PDE4D: variants seen among roughly 807,000 people sequenced by gnomAD.
The protein encoded by PDE4D is phosphodiesterase 4D.
In PDE4D, 24 loss-of-function variants were observed where a neutral mutation model predicts 87.4. The observed-to-expected ratio is 0.27, with a 90% CI of 0.20 to 0.39. The LOEUF (loss-of-function observed/expected upper bound fraction) is 0.39, where lower values mean the gene tolerates loss of function less well. Ranked by LOEUF, PDE4D falls within the 10% of genes least tolerant of loss-of-function variation. The pLI is 1.00. For missense variants in PDE4D, 714 were observed against 1,041.0 expected (o/e 0.69, Z 4.32); for synonymous variants, 384 against 383.2 (o/e 1.00, Z -0.02).
chr5:59,360,672 A>C (rs1453505680), intron 1 of PDE4D, among the ~76,000 whole-genome samples: 2 of 152,178 alleles, frequency 1.3e-5, no homozygotes, highest in African/African-American at 4.8e-5. Context: ...ATAATACCAA[A>C]ATTTTCTTTG....
intron 6 of PDE4D, chr5:58,999,958 G>T: frequency 1.0e-6 from 1 of 970,982 alleles, no homozygotes; most frequent in Non-Finnish European, 1.2e-6. Flanking sequence ...AGAGTGACAA[G>T]AAGCCCCTCC....
At chr5:59,150,200 G>C (rs951834990) in intron 5 of PDE4D, among the ~76,000 whole-genome samples, 2 of 152,064 alleles carry the variant, frequency 1.3e-5, no homozygotes, top group African/African-American at 4.8e-5. Flanking sequence ...AGAACAAGAG[G>C]AAGAGAAGCC....
chr5:58,984,851 T>C (rs1254743397), intron 11 of PDE4D, among the ~76,000 whole-genome samples: 1 of 152,214 alleles, frequency 6.6e-6, no homozygotes, highest in Non-Finnish European at 1.5e-5. Context: ...CTAAGTTAAA[T>C]ATACCCTCCA....
chr5:59,984,267 A>C (rs562174097), intron 3 of PDE4D, among the ~76,000 whole-genome samples: 37 of 152,188 alleles, frequency 2.4e-4, no homozygotes, highest in Non-Finnish European at 4.9e-4. Flanking sequence ...ATTTAGGAGG[A>C]AAATATGAAA....
chr5:60,016,948 G>T (rs1765572661), intron 2 of PDE4D, among the ~76,000 whole-genome samples: 2 of 152,180 alleles, frequency 1.3e-5, no homozygotes, highest in Non-Finnish European at 2.9e-5. Context: ...ATCCTTTAGA[G>T]AAATCACTAT....
At chr5:60,131,519 C>T (rs931700351) in intron 2 of PDE4D, among the ~76,000 whole-genome samples, 2 of 152,104 alleles carry the variant, frequency 1.3e-5, no homozygotes, top group East Asian at 1.9e-4. Flanking sequence ...AGAGATCTTG[C>T]GTTTATATTA....
intron 2 of PDE4D, among the ~76,000 whole-genome samples, chr5:60,084,113 C>A (rs2152905678): frequency 6.6e-6 from 1 of 152,198 alleles, no homozygotes; most frequent in East Asian, 1.9e-4. Context: ...CCCATGAGTT[C>A]ATATGAACCA....
At chr5:59,810,350 G>A (rs1008709) in intron 1 of PDE4D, among the ~76,000 whole-genome samples, 61,386 of 152,138 alleles carry the variant, frequency 0.4, 13,606 homozygotes, top group Admixed American at 0.51. Context: ...TATGGAACAG[G>A]ATGGTTCATG....
chr5:60,075,234 G>T (rs1425386637), intron 2 of PDE4D, among the ~76,000 whole-genome samples: 1 of 152,148 alleles, frequency 6.6e-6, no homozygotes, highest in Non-Finnish European at 1.5e-5. Flanking sequence ...GCATTTGTTT[G>T]TCTGAAAAGG....
chr5:60,169,491 A>G (rs1033889130), intron 2 of PDE4D, among the ~76,000 whole-genome samples: 4 of 152,030 alleles, frequency 2.6e-5, no homozygotes, highest in African/African-American at 9.7e-5. Context: ...AAAGAGCACA[A>G]CAATTTTTTT....
intron 1 of PDE4D, among the ~76,000 whole-genome samples, chr5:59,225,119 T>C (rs1181642442): frequency 6.6e-6 from 1 of 152,180 alleles, no homozygotes; most frequent in Non-Finnish European, 1.5e-5. Context: ...TCCCCCTAAA[T>C]TTTCTTCTAG....
chr5:60,090,752 T>C (rs1197633758), intron 2 of PDE4D, among the ~76,000 whole-genome samples: 2 of 152,176 alleles, frequency 1.3e-5, no homozygotes, highest in East Asian at 3.8e-4. Context: ...TGTTCACAGA[T>C]GACATGATCC....
At chr5:59,872,300 C>CACACACACACACACACA (rs10693446) in intron 1 of PDE4D, among the ~76,000 whole-genome samples, 10 of 146,974 alleles carry the variant, frequency 6.8e-5, no homozygotes, top group African/African-American at 2.6e-4. Flanking sequence ...CACACACACA[C>CACACACACACACACACA]AAGAGCACAC....
At chr5:59,404,612 T>C (rs545584165) in intron 1 of PDE4D, among the ~76,000 whole-genome samples, 1 of 146,974 alleles carries the variant, frequency 6.8e-6, no homozygotes, top group African/African-American at 2.6e-5. Context: ...TGAGCTGAGA[T>C]CACACCACTG....
At chr5:60,408,016 C>T (rs1741712623) in intron 1 of PDE4D, among the ~76,000 whole-genome samples, 1 of 151,908 alleles carries the variant, frequency 6.6e-6, no homozygotes, top group Non-Finnish European at 1.5e-5. Context: ...GAGTCCTGAG[C>T]TCCACACCCA....
chr5:59,020,680 T>A (rs200986003), intron 6 of PDE4D, among the ~76,000 whole-genome samples: 2 of 149,312 alleles, frequency 1.3e-5, no homozygotes, highest in African/African-American at 4.9e-5. Flanking sequence ...TTTTTTTTTT[T>A]AAACAATAAA....
At chr5:60,052,692 A>C (rs1178189987) in intron 2 of PDE4D, among the ~76,000 whole-genome samples, 1 of 152,250 alleles carries the variant, frequency 6.6e-6, no homozygotes, top group African/African-American at 2.4e-5. Context: ...TGGCCAGGGC[A>C]ATCAGGCAAG....
intron 1 of PDE4D, among the ~76,000 whole-genome samples, chr5:60,205,823 G>A (rs760823626): frequency 2.0e-5 from 3 of 152,046 alleles, no homozygotes; most frequent in Non-Finnish European, 4.4e-5. Context: ...GGAGGCGGGG[G>A]TTGCAGTGAG....
intron 3 of PDE4D, among the ~76,000 whole-genome samples, chr5:59,960,784 A>G (rs1759385551): frequency 6.6e-6 from 1 of 152,182 alleles, no homozygotes; most frequent in African/African-American, 2.4e-5. Flanking sequence ...GACAAGATCA[A>G]TAGAAACTCG....
Sources: allele counts gnomAD v4.1 joint callset (sites outside exome capture counted in the v4.1 genomes callset), GRCh38; gene constraint gnomAD v4.1.1; transcripts MANE v1.5; gene names NCBI Gene and HGNC (gene_info 2026-07-23, HGNC 2026-07-21).